The following SNX5 variants were observed in gnomAD, a reference collection of about 807,000 sequenced individuals.
The protein encoded by SNX5 is sorting nexin-5.
A neutral mutation model predicts 53.9 loss-of-function variants in SNX5; 31 were observed. The ratio of observed to expected loss-of-function variants is 0.58; its 90% confidence interval spans 0.43 to 0.78. The LOEUF is 0.78. Among genes scored for constraint, SNX5 ranks in the 30% least tolerant of loss-of-function variants. The pLI is 0.00. For synonymous variants in SNX5, 168 were observed against 171.1 expected, an observed-to-expected ratio of 0.98 and a Z score of 0.14; for missense variants, 471 against 478.8, an observed-to-expected ratio of 0.98 and a Z score of 0.15.
At chr20:17,956,166 G>A (rs1008223072) in intron 2 of SNX5, among the ~76,000 whole-genome samples, 4 of 151,366 alleles carry the variant, frequency 2.6e-5, no homozygotes, top group Non-Finnish European at 5.9e-5. Context: ...CCTCTTAGCT[G>A]TAACTTACTA....
chr20:17,966,666 C>T (rs1039577926), intron 1 of SNX5, among the ~76,000 whole-genome samples: 3 of 152,178 alleles, frequency 2.0e-5, no homozygotes, highest in African/African-American at 7.2e-5. Flanking sequence ...TTAACTCCAT[C>T]CTTAGGGAGA....
At chr20:17,944,398 C>T (rs2039457863) in intron 11 of SNX5, 1 of 152,196 alleles carries the variant, frequency 6.6e-6, no homozygotes, top group South Asian at 2.1e-4. Flanking sequence ...AAGCATCACA[C>T]TGTATTCCAC....
intron 12 of SNX5, chr20:17,942,814 T>A (rs2039434954): frequency 2.6e-6 from 1 of 377,840 alleles, no homozygotes; most frequent in Non-Finnish European, 4.7e-6. Flanking sequence ...TCCCAGCACT[T>A]TGGGAGGCCA....
At position 17,942,469 on chromosome 20, in the gene SNX5, G is replaced by T; in HGVS notation, c.1165-62C>A. On this transcript the variant is annotated intron_variant, in intron 12 of 12. Coordinates refer to ENST00000377759, the MANE Select transcript of SNX5 (RefSeq NM_014426.4). ...TTAAAACTTGCCATATACCTGGAAT[G>T]ACTCAAGTACACCAACACGGCTTTT... 5 of 1,242,098 alleles carry T rather than the reference G, an allele frequency of 4.0e-6. No individual in the cohort carries two copies. In the South Asian group the frequency reaches 4.8e-5, roughly 12 times the overall value. The allele number at this position is 1,242,098 out of a possible 1,614,324, so 76.9% of individuals were successfully genotyped here.
In SNX5 at chr20:17,950,693, T is replaced by C. The variant is rs533479359; in HGVS notation, c.610-297A>G. Among the ~76,000 whole-genome samples, 11 of 152,344 alleles carry C rather than the reference T, an allele frequency of 7.2e-5. No individual in the cohort carries two copies. The East Asian group carries it at 1.5e-3, about 21-fold the overall frequency. The stretch of plus-strand genomic sequence containing the variant: ...TACAATGGTTCTACCAGGTGGAACA[T>C]GGCCACTTAGCCTTGGATACCTATC... On this transcript the variant is annotated intron_variant, in intron 6 of 12. Coordinates refer to ENST00000377759, the MANE Select transcript of SNX5 (RefSeq NM_014426.4).
rs1411656516 is a variant in SNX5 at position 17,957,153 on chromosome 20, G to A, written c.52-116C>T. The stretch of plus-strand genomic sequence containing the variant: ...CATAGATCATTTAGAAATGTCAGTT[G>A]AGCTGGGCGCGGCGGCTCACCCCTG... On this transcript the variant is annotated intron_variant, in intron 1 of 12. Coordinates refer to ENST00000377759, the MANE Select transcript of SNX5 (RefSeq NM_014426.4). The A allele has an allele frequency of 7.1e-6, 5 of 706,148 alleles. No individual in the cohort carries two copies. In the African/African-American group the frequency reaches 8.7e-5, roughly 12 times the overall value. The allele number at this position is 706,148 out of a possible 1,614,324, so 43.7% of individuals were successfully genotyped here. A position where few individuals can be genotyped will look rare whatever the true frequency, so the allele number is the denominator to read the frequency against.
chr20:17,949,653 G>C (rs188198119), intron 8 of SNX5, among the ~76,000 whole-genome samples: 52 of 152,304 alleles, frequency 3.4e-4, no homozygotes, highest in Non-Finnish European at 5.4e-4. Flanking sequence ...CATCAAAACA[G>C]CTGTGTGTTA....
Position 17,951,521 on chromosome 20 carries a change from TTCA to T in SNX5, c.585_587del (p.Asp195del). ...TTACCTTAACTCCAGTAAAAAGGAC[TTCA>T]TCAGCACTTTTCACCACACTTTTGA... On this transcript the variant is annotated inframe_deletion, in exon 6 of 13. Coordinates refer to ENST00000377759, the MANE Select transcript of SNX5 (RefSeq NM_014426.4). 1.2e-6 allele frequency: 2 copies of T among 1,611,836 alleles called. No homozygotes were observed. Among genetic ancestry groups the T allele is most frequent in the Non-Finnish European group, 1.7e-6 (2 of 1,179,522 alleles).
At chr20:17,955,696 T>A (rs2035341172) in intron 2 of SNX5, among the ~76,000 whole-genome samples, 1 of 152,248 alleles carries the variant, frequency 6.6e-6, no homozygotes, top group Non-Finnish European at 1.5e-5. Flanking sequence ...AAGCTTGTAA[T>A]GAATATCCCA....
chr20:17,961,739 ATTTTG>A (rs2035453960), intron 1 of SNX5: 12 of 985,256 alleles, frequency 1.2e-5, no homozygotes, highest in African/African-American at 1.7e-5. Context: ...GCCTCTAGGG[ATTTTG>A]TTTTGTTATG....
At chr20:17,960,987 G>C (rs2035438309) in intron 1 of SNX5, among the ~76,000 whole-genome samples, 1 of 152,156 alleles carries the variant, frequency 6.6e-6, no homozygotes, top group South Asian at 2.1e-4. Context: ...TTACAATACG[G>C]ATTATAATCA....
intron 1 of SNX5, among the ~76,000 whole-genome samples, chr20:17,966,651 CTTAAT>C (rs1285884530): frequency 6.6e-6 from 1 of 152,182 alleles, no homozygotes; most frequent in African/African-American, 2.4e-5. Context: ...CTTAGTGAGT[CTTAAT>C]TAACTCCATC....
chr20:17,963,040 T>C, intron 1 of SNX5: 1 of 370,198 alleles, frequency 2.7e-6, no homozygotes, highest in Non-Finnish European at 5.4e-6. Flanking sequence ...ATCCATCTAA[T>C]TACTAAGTAC....
At chr20:17,956,691 A>C (rs868711747) in intron 2 of SNX5, among the ~76,000 whole-genome samples, 128 of 131,208 alleles carry the variant, frequency 9.8e-4, no homozygotes, top group East Asian at 6.9e-3. Flanking sequence ...AAAAAAAAAA[A>C]AAAAAAAAAA....
At chr20:17,956,072 C>T (rs1055524918) in intron 2 of SNX5, among the ~76,000 whole-genome samples, 6 of 152,178 alleles carry the variant, frequency 3.9e-5, no homozygotes, top group African/African-American at 1.4e-4. Flanking sequence ...CCACCCAACC[C>T]AGCCCCAAAT....
chr20:17,949,233 G>C, intron 8 of SNX5, 130 bp from the exon 9 acceptor site: 1 of 737,338 alleles, frequency 1.4e-6, no homozygotes, highest in Non-Finnish European at 2.3e-6. Context: ...TAATTTAAAA[G>C]TAGTGCTCTC....
Position 17,955,464 on chromosome 20 carries a change from G to C in SNX5, c.168C>G (p.Pro56=), listed in dbSNP as rs2122386129. 1 of 1,613,626 alleles carries C rather than the reference G, an allele frequency of 6.2e-7. No homozygotes were observed. Among genetic ancestry groups the C allele is most frequent in the East Asian group, 2.2e-5 (1 of 44,868 alleles). ...CAGAAAACTCTGGGCTCTGAAACGT[G>C]GGCAGTGTGGTCTGTAAAGAAAGAA... is the stretch of plus-strand genomic sequence containing the variant. ...KFTVHTKTTL[P]TFQSPEFSVT... The change falls in exon 3 of 13, where the codon CCC becomes CCG. Residue 56 remains proline (P), a synonymous_variant. Transcript: ENST00000377759.
rs769877281 is a variant in SNX5 at position 17,950,423 on chromosome 20, C to T, written c.610-27G>A. 2.2e-5 allele frequency: 29 copies of T among 1,334,080 alleles called. No individual in the cohort carries two copies. In the African/African-American group the frequency reaches 3.8e-4, roughly 17 times the overall value. The allele number at this position is 1,334,080 out of a possible 1,614,324, so 82.6% of individuals were successfully genotyped here. On this transcript the variant is annotated intron_variant, in intron 6 of 12. Coordinates refer to ENST00000377759, the MANE Select transcript of SNX5 (RefSeq NM_014426.4). ...TAGAAGGAAGAAAAAAAGAACCAGACATTTCATGAAATATACTATCCCTGC... is the reference window on the plus strand; with the variant it reads ...TAGAAGGAAGAAAAAAAGAACCAGATATTTCATGAAATATACTATCCCTGC...
chr20:17,951,942 G>A (rs1169971904), intron 5 of SNX5, among the ~76,000 whole-genome samples: 1 of 152,212 alleles, frequency 6.6e-6, no homozygotes, highest in Non-Finnish European at 1.5e-5. Context: ...CATAATTCGC[G>A]GCCGGGCGCA....
Sources: allele counts gnomAD v4.1 joint callset (sites outside exome capture counted in the v4.1 genomes callset), GRCh38; gene constraint gnomAD v4.1.1; transcripts MANE v1.5; gene names NCBI Gene and HGNC (gene_info 2026-07-23, HGNC 2026-07-21).